Variants in CDS2 observed in about 807,000 individuals in gnomAD.
The protein encoded by CDS2 is CDP-diacylglycerol synthase 2, also known as phosphatidate cytidylyltransferase 2.
Under a neutral mutation model 59.0 loss-of-function variants are expected in CDS2, and 47 were observed. The ratio of observed to expected loss-of-function variants is 0.80; its 90% CI spans 0.63 to 1.02. The LOEUF (loss-of-function observed/expected upper bound fraction) is 1.02, where lower values mean the gene tolerates loss of function less well. Ranked by LOEUF, CDS2 falls within the 50% of genes least tolerant of loss-of-function variation. CDS2 has a pLI of 0.00. For missense variants in CDS2, 356 were observed against 558.9 expected (o/e 0.64, Z 3.66); for synonymous variants, 207 against 206.4 (o/e 1.00, Z -0.02).
In CDS2 at chr20:5,189,428, G is replaced by A. The variant is rs2091095741; in HGVS notation, c.1101+242G>A. Among the ~76,000 whole-genome samples, 3 of 152,184 alleles carry A rather than the reference G, an allele frequency of 2.0e-5. No homozygotes were observed. The South Asian group carries it at 6.2e-4, about 31-fold the overall frequency. The stretch of plus-strand genomic sequence containing the variant: ...TCAAAAGAACATTTTGGGCCAGGCA[G>A]TGGCTCATGTCTGTAACCCCAGCAC... On this transcript the variant is annotated intron_variant, in intron 11 of 12. Coordinates refer to ENST00000460006, the MANE Select transcript of CDS2 (RefSeq NM_003818.4).
chr20:5,172,359 G>T (rs759294030), intron 1 of CDS2, among the ~76,000 whole-genome samples: 2 of 152,094 alleles, frequency 1.3e-5, no homozygotes, highest in Non-Finnish European at 2.9e-5. Flanking sequence ...GAACATATTA[G>T]TAACACAAAG....
chr20:5,157,544 C>T (rs1256398586), intron 1 of CDS2, among the ~76,000 whole-genome samples: 1 of 152,130 alleles, frequency 6.6e-6, no homozygotes, highest in Non-Finnish European at 1.5e-5. Context: ...TATAATGAAA[C>T]ACCATGAGCT....
At chr20:5,133,077 G>GAATGGCGT (rs953810814) in intron 1 of CDS2, among the ~76,000 whole-genome samples, 17 of 152,044 alleles carry the variant, frequency 1.1e-4, no homozygotes, top group Middle Eastern at 3.4e-3. Context: ...AGGCTGAGGA[G>GAATGGCGT]AATGGCGTGA....
At chr20:5,172,845 T>G (rs193181107) in intron 1 of CDS2, among the ~76,000 whole-genome samples, 1 of 152,278 alleles carries the variant, frequency 6.6e-6, no homozygotes, top group African/African-American at 2.4e-5. Context: ...CTTGATACTT[T>G]GGGTAAAGAG....
intron 2 of CDS2, 23 bp downstream of exon 2, chr20:5,173,682 G>A (rs528055668): frequency 3.7e-6 from 6 of 1,613,384 alleles, no homozygotes; most frequent in Non-Finnish European, 5.1e-6. Context: ...AATGATGCAG[G>A]TGCTTGTTGG....
intron 1 of CDS2, among the ~76,000 whole-genome samples, chr20:5,161,620 C>T (rs191973159): frequency 1.3e-5 from 2 of 152,266 alleles, no homozygotes; most frequent in South Asian, 2.1e-4. Context: ...TGTTGCTGCA[C>T]GGTGTTTATA....
At chr20:5,138,839 GCAGT>G (rs2090669619) in intron 1 of CDS2, among the ~76,000 whole-genome samples, 1 of 151,948 alleles carries the variant, frequency 6.6e-6, no homozygotes, top group Non-Finnish European at 1.5e-5. Context: ...CCACTGCACT[GCAGT>G]ATGGTTAAAA....
At chr20:5,182,252 C>T in intron 5 of CDS2, 135 bp from the exon 6 acceptor site, 1 of 580,800 alleles carries the variant, frequency 1.7e-6, no homozygotes. Context: ...GTTTTTCTCC[C>T]CTGGGCTTTG....
In CDS2 at chr20:5,196,847, G is replaced by T. The variant is rs77435581; in HGVS notation, c.*6613G>T. Reference sequence around the variant, plus strand: ...GGGAAGAGTTGAACAGACATCAGGGGCCGATGAAACCAAAGGACTAGGAGT... The same window carrying T: ...GGGAAGAGTTGAACAGACATCAGGGTCCGATGAAACCAAAGGACTAGGAGT... On this transcript the variant is annotated 3_prime_UTR_variant, in exon 13 of 13. Coordinates refer to ENST00000460006, the MANE Select transcript of CDS2 (RefSeq NM_003818.4). The T allele has an allele frequency of 1.5e-3, 226 of 152,620 alleles. No individual in the cohort carries two copies. Among genetic ancestry groups the T allele is most frequent in the African/African-American group, 5.0e-3 (206 of 41,568 alleles). The allele number at this position is 152,620 out of a possible 1,614,324, so 9.5% of individuals were successfully genotyped here.
At chr20:5,130,145 TTG>T (rs1471714473) in intron 1 of CDS2, among the ~76,000 whole-genome samples, 2 of 152,032 alleles carry the variant, frequency 1.3e-5, no homozygotes, top group Non-Finnish European at 2.9e-5. Context: ...GCTAATTTTT[TTG>T]TGTTTTTAGT....
intron 1 of CDS2, among the ~76,000 whole-genome samples, chr20:5,139,216 C>G (rs2090673480): frequency 6.6e-6 from 1 of 152,150 alleles, no homozygotes; most frequent in Non-Finnish European, 1.5e-5. Flanking sequence ...GGAGCCTGCA[C>G]CTGTAATCCT....
Position 5,175,300 on chromosome 20 carries a change from T to C in CDS2, c.291+21T>C, listed in dbSNP as rs201421912. The C allele has an allele frequency of 2.1e-5, 33 of 1,594,744 alleles. No individual in the cohort carries two copies. In the African/African-American group the frequency reaches 4.0e-4, roughly 19 times the overall value. On this transcript the variant is annotated intron_variant, in intron 3 of 12. Transcript: ENST00000460006. ...TAATCGTAAGTGCCATTTCACACTATTTTAGTTTTCCCTTCAGTTTTTGCT... is the reference window on the plus strand; with the variant it reads ...TAATCGTAAGTGCCATTTCACACTACTTTAGTTTTCCCTTCAGTTTTTGCT...
chr20:5,158,627 A>G (rs181243274), intron 1 of CDS2, among the ~76,000 whole-genome samples: 1 of 152,210 alleles, frequency 6.6e-6, no homozygotes. Context: ...TTCTATTAAC[A>G]GTAAAGCTTG....
intron 1 of CDS2, among the ~76,000 whole-genome samples, chr20:5,147,078 A>C (rs181031165): frequency 5.1e-4 from 78 of 152,362 alleles, no homozygotes; most frequent in African/African-American, 1.9e-3. Context: ...CCTAACTGCA[A>C]GGGAAGCTGG....
chr20:5,152,794 T>G (rs1223115266), intron 1 of CDS2, among the ~76,000 whole-genome samples: 1 of 152,202 alleles, frequency 6.6e-6, no homozygotes, highest in African/African-American at 2.4e-5. Flanking sequence ...AACTTTGCTT[T>G]ATTGATTGGT....
At chr20:5,175,045 G>A in intron 2 of CDS2, 138 bp from the exon 3 acceptor site, 1 of 658,852 alleles carries the variant, frequency 1.5e-6, no homozygotes, top group South Asian at 1.8e-5. Flanking sequence ...TGTGGCTGGT[G>A]CCTCCGTCAC....
chr20:5,181,394 G>C (rs748718227), intron 5 of CDS2, among the ~76,000 whole-genome samples: 1 of 152,184 alleles, frequency 6.6e-6, no homozygotes. Flanking sequence ...TACCAGAAAG[G>C]GGTCCAGACC....
chr20:5,130,469 G>C (rs1299610075), intron 1 of CDS2, among the ~76,000 whole-genome samples: 1 of 151,936 alleles, frequency 6.6e-6, no homozygotes, highest in Non-Finnish European at 1.5e-5. Flanking sequence ...CAATTTTCAA[G>C]TCAGTGCTTT....
At chr20:5,130,382 A>G (rs1040658229) in intron 1 of CDS2, among the ~76,000 whole-genome samples, 14 of 152,276 alleles carry the variant, frequency 9.2e-5, no homozygotes, top group Admixed American at 6.5e-4. Context: ...ACCCAAGGAA[A>G]TTAGAAATAA....
Sources: allele counts gnomAD v4.1 joint callset (sites outside exome capture counted in the v4.1 genomes callset), GRCh38; gene constraint gnomAD v4.1.1; transcripts MANE v1.5; gene names NCBI Gene and HGNC (gene_info 2026-07-23, HGNC 2026-07-21).